GMCL1: variants seen among roughly 807,000 people sequenced by gnomAD.
The protein encoded by GMCL1 is germ cell-less protein-like 1.
A neutral mutation model predicts 75.5 loss-of-function variants in GMCL1; 54 were observed. The ratio of observed to expected loss-of-function variants is 0.71; its 90% confidence interval spans 0.57 to 0.90. The LOEUF is 0.90. Ranked by LOEUF, GMCL1 falls within the 40% of genes least tolerant of loss-of-function variation. GMCL1 has a pLI of 0.00. For synonymous variants in GMCL1, 210 were observed against 209.6 expected, an observed-to-expected ratio of 1.00 and a Z score of -0.02; for missense variants, 537 against 622.7, an observed-to-expected ratio of 0.86 and a Z score of 1.47.
chr2:69,867,434 C>T (rs1489731462), intron 11 of GMCL1, among the ~76,000 whole-genome samples: 1 of 152,102 alleles, frequency 6.6e-6, no homozygotes, highest in African/African-American at 2.4e-5. Context: ...TCAGGCATCC[C>T]GTTTTCAGAC....
intron 1 of GMCL1, among the ~76,000 whole-genome samples, chr2:69,834,812 C>G (rs1472385541): frequency 6.6e-6 from 1 of 151,920 alleles, no homozygotes; most frequent in Non-Finnish European, 1.5e-5. Flanking sequence ...CGCTTCTTAT[C>G]TTTATTTTTT....
chr2:69,873,525 A>G (rs1476294111), intron 13 of GMCL1: 1 of 152,050 alleles, frequency 6.6e-6, no homozygotes, highest in African/African-American at 2.4e-5. Context: ...TAATGGTGAA[A>G]AACATATATA....
rs775197756 is a variant in GMCL1 at position 69,869,781 on chromosome 2, A to G, written c.1281A>G (p.Arg427=). ...GFDLLVTYTN[R]YIIFKRNTLN... Reference sequence around the variant, plus strand: ...ACCTACTTGTAACTTACACCAATCGATACATCATTTTCAAACGCAATACAC... The same window carrying G: ...ACCTACTTGTAACTTACACCAATCGGTACATCATTTTCAAACGCAATACAC... Residue 427 remains arginine (R), a synonymous_variant, in exon 12 of 14, where the codon CGA becomes CGG. Transcript: ENST00000282570. The G allele has an allele frequency of 1.1e-5, 17 of 1,613,924 alleles. No homozygotes were observed. The South Asian group carries it at 1.5e-4, about 15-fold the overall frequency.
intron 10 of GMCL1, among the ~76,000 whole-genome samples, chr2:69,861,623 T>C (rs1662137935): frequency 6.6e-6 from 1 of 152,190 alleles, no homozygotes; most frequent in South Asian, 2.1e-4. Context: ...CTTAGTATCA[T>C]ATGATTTTCT....
chr2:69,869,770 T>TGTA lies in GMCL1; in HGVS notation c.1270_1271insGTA (p.Tyr424delinsCysAsn). 1 of 1,614,062 alleles carries TGTA rather than the reference T, an allele frequency of 6.2e-7. No homozygotes were observed. Among genetic ancestry groups the TGTA allele is most frequent in the Non-Finnish European group, 8.5e-7 (1 of 1,179,984 alleles). ...CTTCGGCTTCGACCTACTTGTAACT[T>TGTA]ACACCAATCGATACATCATTTTCAA... On this transcript the variant is annotated protein_altering_variant, in exon 12 of 14. Coordinates refer to ENST00000282570, the MANE Select transcript of GMCL1 (RefSeq NM_178439.5).
At chr2:69,862,557 C>T (rs888603502) in intron 10 of GMCL1, among the ~76,000 whole-genome samples, 2 of 151,948 alleles carry the variant, frequency 1.3e-5, no homozygotes, top group Non-Finnish European at 2.9e-5. Context: ...GTCAGGAGTT[C>T]GAGACAAGCC....
intron 2 of GMCL1, among the ~76,000 whole-genome samples, chr2:69,838,420 A>G (rs1041998030): frequency 1.3e-4 from 19 of 149,518 alleles, no homozygotes; most frequent in African/African-American, 4.5e-4. Context: ...TATTTTATTC[A>G]TTTTCTTTCA....
Position 69,868,565 on chromosome 2 carries a change from AT to A in GMCL1, c.1219-1145del, listed in dbSNP as rs557792836. ...GTATTTTATTTTTATTTTTATTTTTATTTTTTTTTATTCTTTTTTGTATTTT... is the reference window on the plus strand; with the variant it reads ...GTATTTTATTTTTATTTTTATTTTTATTTTTTTTATTCTTTTTTGTATTTT... On this transcript the variant is annotated intron_variant, in intron 11 of 13. Transcript: ENST00000282570. Among the ~76,000 whole-genome samples, 300 of 149,580 alleles carry A rather than the reference AT, an allele frequency of 2.0e-3. 1 individual carries two copies. The highest frequency in any genetic ancestry group is 6.2e-3 in the African/African-American group (253 of 40,874).
Position 69,877,706 on chromosome 2 carries a change from T to TTGTGTGTGTG in GMCL1, c.1453-1184_1453-1175dup, listed in dbSNP as rs10549628. On this transcript the variant is annotated intron_variant, in intron 13 of 13. Transcript: ENST00000282570. ...TCGTACAGAGAGAGAGATTGTGTGT[T>TTGTGTGTGTG]TGTGTGTGTGTGTGTGTGTGTGTGT... Among the ~76,000 whole-genome samples, 122 of 149,944 alleles carry TTGTGTGTGTG rather than the reference T, an allele frequency of 8.1e-4. 1 individual carries two copies. The highest frequency in any genetic ancestry group is 6.5e-3 in the East Asian group (33 of 5,074).
chr2:69,852,501 C>T (rs1551374), intron 8 of GMCL1, among the ~76,000 whole-genome samples: 90,640 of 151,654 alleles, frequency 0.6, 29,588 homozygotes, highest in African/African-American at 0.86. Flanking sequence ...GAAAAATCAC[C>T]TGTGATCCCT....
Position 69,879,212 on chromosome 2 carries a change from A to G in GMCL1, c.*208A>G. 2.7e-6 allele frequency: 1 copy of G among 370,334 alleles called. No individual in the cohort carries two copies. The highest frequency in any genetic ancestry group is 6.1e-5 in the South Asian group (1 of 16,424). The allele number at this position is 370,334 out of a possible 1,614,324, so 22.9% of individuals were successfully genotyped here. On this transcript the variant is annotated 3_prime_UTR_variant, in exon 14 of 14. Coordinates refer to ENST00000282570, the MANE Select transcript of GMCL1 (RefSeq NM_178439.5). ...TCATTGCATTTCTATGCATATGCGT[A>G]AGAACATTTTAAAGCCAAGAAAATA...
At position 69,854,902 on chromosome 2, in the gene GMCL1, T is replaced by C. The variant is rs755590543; in HGVS notation, c.1014T>C (p.Tyr338=). 1.4e-5 allele frequency: 22 copies of C among 1,610,994 alleles called. No individual in the cohort carries two copies. The highest frequency in any genetic ancestry group is 1.9e-5 in the Non-Finnish European group (22 of 1,177,968). ...VSVFRHLRLQ[Y]IISDLASARI... is the part of the protein sequence containing the mutation. ...TATTCAGACATTTAAGGTTACAATA[T>C]ATTATCAGTGATCTGGCTTCTGCAA... Residue 338 remains tyrosine (Y), a synonymous_variant, in exon 9 of 14, where the codon TAT becomes TAC. Coordinates refer to ENST00000282570, the MANE Select transcript of GMCL1 (RefSeq NM_178439.5).
At chr2:69,839,077 G>A (rs547977475) in intron 2 of GMCL1, among the ~76,000 whole-genome samples, 5 of 152,124 alleles carry the variant, frequency 3.3e-5, no homozygotes, top group African/African-American at 1.2e-4. Context: ...TTTCTTTGGC[G>A]ATCATCCTGT....
chr2:69,837,517 AAT>A, intron 1 of GMCL1, 28 bp from the exon 2 acceptor site: 1 of 1,414,774 alleles, frequency 7.1e-7, no homozygotes, highest in Non-Finnish European at 9.6e-7. Context: ...GTTTTATATA[AAT>A]ATGTGACTTT....
rs530382057 is a variant in GMCL1 at position 69,872,692 on chromosome 2, A to G, written c.1452+860A>G. Among the ~76,000 whole-genome samples, 4 of 152,314 alleles carry G rather than the reference A, an allele frequency of 2.6e-5. No homozygotes were observed. The South Asian group carries it at 8.3e-4, about 32-fold the overall frequency. ...AAACTCTAACTGACCCCCATCTTAC[A>G]TGAAAGGTAATATGTAGGAATGTCC... On this transcript the variant is annotated intron_variant, in intron 13 of 13. Coordinates refer to ENST00000282570, the MANE Select transcript of GMCL1 (RefSeq NM_178439.5).
At chr2:69,848,929 G>T (rs1324232328) in intron 7 of GMCL1, among the ~76,000 whole-genome samples, 1 of 152,162 alleles carries the variant, frequency 6.6e-6, no homozygotes, top group African/African-American at 2.4e-5. Flanking sequence ...TATCTCAGCA[G>T]CAGTAAGACA....
chr2:69,845,094 C>T (rs1675098710), intron 6 of GMCL1, among the ~76,000 whole-genome samples: 1 of 152,176 alleles, frequency 6.6e-6, no homozygotes, highest in Non-Finnish European at 1.5e-5. Flanking sequence ...TAGTGACATC[C>T]CCTCTCTTTG....
intron 2 of GMCL1, among the ~76,000 whole-genome samples, chr2:69,837,898 T>C (rs1674865655): frequency 6.6e-6 from 1 of 152,212 alleles, no homozygotes; most frequent in African/African-American, 2.4e-5. Flanking sequence ...TACGTATTTG[T>C]CATTACTTCA....
At chr2:69,846,218 G>A (rs951287824) in intron 6 of GMCL1, among the ~76,000 whole-genome samples, 3 of 151,894 alleles carry the variant, frequency 2.0e-5, no homozygotes, top group Non-Finnish European at 4.4e-5. Flanking sequence ...ACCGTAGAAT[G>A]TTTGATTTGA....
Sources: allele counts gnomAD v4.1 joint callset (sites outside exome capture counted in the v4.1 genomes callset), GRCh38; gene constraint gnomAD v4.1.1; transcripts MANE v1.5; gene names NCBI Gene and HGNC (gene_info 2026-07-23, HGNC 2026-07-21).